Variants in RNLS observed in about 807,000 individuals in gnomAD.
The protein encoded by RNLS is renalase.
A neutral mutation model predicts 39.8 loss-of-function variants in RNLS; 39 were observed. That is an observed-to-expected ratio of 0.98 (90% CI 0.76 to 1.28). The LOEUF (loss-of-function observed/expected upper bound fraction) is 1.28. Among genes scored for constraint, RNLS ranks in the 50% most tolerant of loss-of-function variants. RNLS has a pLI of 0.00. For missense variants in RNLS, 410 were observed against 413.3 expected (o/e 0.99, Z 0.07); for synonymous variants, 147 against 150.7 (o/e 0.98, Z 0.18).
chr10:88,580,775 A>G (rs1850490207), intron 3 of RNLS, among the ~76,000 whole-genome samples: 1 of 152,222 alleles, frequency 6.6e-6, no homozygotes, highest in Non-Finnish European at 1.5e-5. Flanking sequence ...AGAAATGCAA[A>G]TTAAAACCAC....
At chr10:88,489,185 T>C (rs1199488735) in intron 4 of RNLS, among the ~76,000 whole-genome samples, 6 of 152,170 alleles carry the variant, frequency 3.9e-5, no homozygotes, top group Non-Finnish European at 7.3e-5. Context: ...AATTAAGGTT[T>C]CCAATATTTT....
downstream of RNLS, among the ~76,000 whole-genome samples, chr10:88,272,519 C>T (rs1241083883): frequency 2.6e-5 from 4 of 152,154 alleles, no homozygotes; most frequent in Non-Finnish European, 1.5e-5. Context: ...ATTCCTGGGC[C>T]CAAGAATCTA....
At chr10:88,415,733 G>A (rs1359473007) in intron 4 of RNLS, among the ~76,000 whole-genome samples, 2 of 152,178 alleles carry the variant, frequency 1.3e-5, no homozygotes, top group African/African-American at 2.4e-5. Flanking sequence ...TTGGCACACA[G>A]TAAGTACTCA....
intron 4 of RNLS, among the ~76,000 whole-genome samples, chr10:88,393,501 C>G (rs1008698767): frequency 3.9e-5 from 6 of 152,164 alleles, no homozygotes; most frequent in Admixed American, 3.3e-4. Context: ...TGAAGGACCT[C>G]TTCAAGGAGA....
chr10:88,173,771 TA>T, the RNLS span, among the ~76,000 whole-genome samples: 6 of 152,274 alleles, frequency 3.9e-5, no homozygotes, highest in South Asian at 1.2e-3. Context: ...TCAGGCCAAG[TA>T]TATAAACCAA....
rs373863386 is a variant in RNLS, at chr10:88,440,578, GTAT to G, written c.527-77856_527-77854del. On this transcript the variant is annotated intron_variant, in intron 4 of 6. Coordinates refer to ENST00000331772, the MANE Select transcript of RNLS (RefSeq NM_001031709.3). ...CATGTCCCCCTAGGCTAAATTCTTTGTATCCCTTACCTCTATAATCCTTGATGT... is the reference window on the plus strand; with the variant it reads ...CATGTCCCCCTAGGCTAAATTCTTTGCCCTTACCTCTATAATCCTTGATGT... 4.1e-3 allele frequency among the ~76,000 whole-genome samples: 628 copies of G among 152,300 alleles called. 6 individuals carry two copies. Among genetic ancestry groups the G allele is most frequent in the African/African-American group, 0.013 (547 of 41,566 alleles).
At chr10:88,323,801 T>A (rs903874093) in intron 5 of RNLS, among the ~76,000 whole-genome samples, 1 of 152,120 alleles carries the variant, frequency 6.6e-6, no homozygotes, top group Non-Finnish European at 1.5e-5. Flanking sequence ...ATTTACAGAA[T>A]GGGAGACAAT....
intron 4 of RNLS, among the ~76,000 whole-genome samples, chr10:88,385,411 C>T (rs937011802): frequency 1.3e-5 from 2 of 152,116 alleles, no homozygotes; most frequent in Admixed American, 1.3e-4. Context: ...ATTCAAAATT[C>T]CAATTTAACT....
chr10:88,290,680 T>C (rs1843608811), intron 6 of RNLS, among the ~76,000 whole-genome samples: 1 of 152,216 alleles, frequency 6.6e-6, no homozygotes, highest in Non-Finnish European at 1.5e-5. Flanking sequence ...GGTGAAGCCA[T>C]TCTAAAGGCT....
At chr10:88,394,029 T>C (rs1405740597) in intron 4 of RNLS, among the ~76,000 whole-genome samples, 1 of 152,142 alleles carries the variant, frequency 6.6e-6, no homozygotes, top group Non-Finnish European at 1.5e-5. Context: ...TTACACCTTA[T>C]ACAAAAATTA....
At chr10:88,502,713 T>C (rs1330439579) in intron 4 of RNLS, among the ~76,000 whole-genome samples, 1 of 152,156 alleles carries the variant, frequency 6.6e-6, no homozygotes, top group Non-Finnish European at 1.5e-5. Flanking sequence ...ATTCTGTGTA[T>C]AATAAAGTTT....
the RNLS span, among the ~76,000 whole-genome samples, chr10:88,241,797 C>T: frequency 2.8e-4 from 43 of 152,308 alleles, no homozygotes; most frequent in African/African-American, 1.0e-3. Context: ...CTTCTAGGCC[C>T]CAAAATGTCA....
chr10:88,440,996 CA>C (rs1245611301), intron 4 of RNLS, among the ~76,000 whole-genome samples: 10 of 151,920 alleles, frequency 6.6e-5, no homozygotes, highest in South Asian at 2.1e-4. Flanking sequence ...TAAATTAGCA[CA>C]AAAAAATCCT....
intron 4 of RNLS, among the ~76,000 whole-genome samples, chr10:88,395,796 G>A (rs1314064697): frequency 1.3e-5 from 2 of 152,020 alleles, no homozygotes; most frequent in Admixed American, 6.6e-5. Context: ...ATGCATCATA[G>A]TCAAACCACT....
At chr10:88,578,513 T>A (rs1203080345) in intron 3 of RNLS, among the ~76,000 whole-genome samples, 1 of 152,014 alleles carries the variant, frequency 6.6e-6, no homozygotes, top group Admixed American at 6.6e-5. Context: ...GTCCAACAAA[T>A]CCTATAGATA....
the RNLS span, among the ~76,000 whole-genome samples, chr10:88,189,720 T>C: frequency 6.6e-6 from 1 of 152,194 alleles, no homozygotes; most frequent in Non-Finnish European, 1.5e-5. Context: ...GAAACAGAAG[T>C]TTTAGCATTT....
intron 5 of RNLS, among the ~76,000 whole-genome samples, chr10:88,354,525 A>T (rs1848991353): frequency 6.6e-6 from 1 of 152,160 alleles, no homozygotes; most frequent in African/African-American, 2.4e-5. Context: ...TCTTTCCTTT[A>T]AGAATGTTGA....
intron 4 of RNLS, among the ~76,000 whole-genome samples, chr10:88,376,958 A>AAAAG: frequency 2.0e-5 from 3 of 152,128 alleles, no homozygotes; most frequent in Admixed American, 2.0e-4. Context: ...AAGATACAAA[A>AAAAG]AAAGAGTAAC....
chr10:88,267,404 C>A, the RNLS span, among the ~76,000 whole-genome samples: 1 of 152,102 alleles, frequency 6.6e-6, no homozygotes, highest in African/African-American at 2.4e-5. Flanking sequence ...AGCGAGACCC[C>A]CTCTTCACCA....
Sources: allele counts gnomAD v4.1 joint callset (sites outside exome capture counted in the v4.1 genomes callset), GRCh38; gene constraint gnomAD v4.1.1; transcripts MANE v1.5; gene names NCBI Gene and HGNC (gene_info 2026-07-23, HGNC 2026-07-21).